ATG14: variants seen among roughly 807,000 people sequenced by gnomAD.
The protein encoded by ATG14 is autophagy related 14, also known as beclin 1-associated autophagy-related key regulator.
ATG14 carries 35 observed loss-of-function variants against 60.4 expected under a neutral mutation model. The observed-to-expected ratio is 0.58, with a 90% confidence interval of 0.44 to 0.77. The LOEUF (loss-of-function observed/expected upper bound fraction) is 0.77. Ranked by LOEUF, ATG14 falls within the 30% of genes least tolerant of loss-of-function variation. The pLI is 0.00. For missense variants in ATG14, 647 were observed against 626.3 expected (o/e 1.03, Z -0.35); for synonymous variants, 234 against 228.8 (o/e 1.02, Z -0.21).
At chr14:55,408,450 C>G (rs779617201) in intron 1 of ATG14, among the ~76,000 whole-genome samples, 1 of 151,896 alleles carries the variant, frequency 6.6e-6, no homozygotes, top group Non-Finnish European at 1.5e-5. Context: ...GAGACCCTGT[C>G]CCCTCCCCCC....
At position 55,380,876 on chromosome 14, in the gene ATG14, T is replaced by TATATATATATA. The variant is rs1555341864; in HGVS notation, c.878-187_878-186insTATATATATAT. ...GTGTGTATATATATATATATATATA[T>TATATATATATA]TTTTTTTTTTTTTTTTGCTGAGAGC... On this transcript the variant is annotated intron_variant, in intron 6 of 9. Transcript: ENST00000247178. Among the ~76,000 whole-genome samples, 516 of 83,870 alleles carry TATATATATATA rather than the reference T, an allele frequency of 6.2e-3. 1 individual carries two copies. The highest frequency in any genetic ancestry group is 0.026 in the African/African-American group (394 of 14,982). 55.0% of individuals were successfully genotyped at this position (83,870 alleles called of 152,430 possible). A position where few individuals can be genotyped will look rare whatever the true frequency, so the allele number is the denominator to read the frequency against.
chr14:55,370,485 T>G (rs1884789263), intron 9 of ATG14, among the ~76,000 whole-genome samples: 1 of 152,198 alleles, frequency 6.6e-6, no homozygotes, highest in South Asian at 2.1e-4. Flanking sequence ...GTTGTATATT[T>G]CTGCACTGTA....
intron 1 of ATG14, among the ~76,000 whole-genome samples, chr14:55,401,846 C>T (rs1005479766): frequency 6.6e-6 from 1 of 152,074 alleles, no homozygotes; most frequent in Non-Finnish European, 1.5e-5. Context: ...TGAGGGTGAG[C>T]CAGAGTTGAT....
Position 55,397,286 on chromosome 14 carries a change from C to T in ATG14, c.284+86G>A, listed in dbSNP as rs1216439381. 1.8e-5 allele frequency: 20 copies of T among 1,132,054 alleles called. 1 individual carries two copies. Among genetic ancestry groups the T allele is most frequent in the Admixed American group, 3.7e-5 (2 of 53,626 alleles). The allele number at this position is 1,132,054 out of a possible 1,614,324, so 70.1% of individuals were successfully genotyped here. On this transcript the variant is annotated intron_variant, in intron 2 of 9. Coordinates refer to ENST00000247178, the MANE Select transcript of ATG14 (RefSeq NM_014924.5). The stretch of plus-strand genomic sequence containing the variant: ...TCCTAAATTCAGTAAGTTAGCAATC[C>T]GTATATCTGCATACCACAGCACTGA...
At chr14:55,405,889 CGGG>C (rs938062536) in intron 1 of ATG14, among the ~76,000 whole-genome samples, 1 of 39,810 alleles carries the variant, frequency 2.5e-5, no homozygotes, top group African/African-American at 1.2e-4. Context: ...GGTGGGGTGG[CGGG>C]GGGGGCAGGG....
At chr14:55,378,121 T>A (rs1331747401) in intron 7 of ATG14, 47 bp from the exon 8 acceptor site, 2 of 1,533,184 alleles carry the variant, frequency 1.3e-6, no homozygotes, top group African/African-American at 1.4e-5. Context: ...TTTGAGGAAA[T>A]TCTATGTTAA....
intron 5 of ATG14, among the ~76,000 whole-genome samples, chr14:55,384,185 TATA>T (rs1885084016): frequency 6.6e-6 from 1 of 152,202 alleles, no homozygotes. Flanking sequence ...ATTAATGGCA[TATA>T]ATAACATACA....
chr14:55,373,429 G>A (rs76563200), intron 9 of ATG14, among the ~76,000 whole-genome samples: 2,218 of 152,160 alleles, frequency 0.015, 48 homozygotes, highest in African/African-American at 0.051. Context: ...GTCAATCTGG[G>A]TAAGGGTGTA....
chr14:55,411,518 G>T, intron 1 of ATG14, 84 bp downstream of exon 1: 2 of 1,336,564 alleles, frequency 1.5e-6, no homozygotes, highest in South Asian at 1.4e-5. Flanking sequence ...GTGCCCGGAC[G>T]GGGAGCCCCA....
chr14:55,372,391 C>A (rs1201127869), intron 9 of ATG14, among the ~76,000 whole-genome samples: 1 of 152,116 alleles, frequency 6.6e-6, no homozygotes, highest in Non-Finnish European at 1.5e-5. Flanking sequence ...TGGGCTCCCT[C>A]CTTTACTAAA....
intron 3 of ATG14, chr14:55,395,023 G>A (rs2140143588): frequency 2.1e-6 from 1 of 475,488 alleles, no homozygotes; most frequent in South Asian, 1.5e-5. Flanking sequence ...TAAATCTTCA[G>A]TTTCTTGGTT....
At chr14:55,398,368 A>G (rs1004254961) in intron 1 of ATG14, among the ~76,000 whole-genome samples, 8 of 152,272 alleles carry the variant, frequency 5.3e-5, no homozygotes, top group African/African-American at 1.9e-4. Context: ...ACTCAGGTCA[A>G]TTTTAAACTT....
chr14:55,396,575 G>A (rs1216290212), intron 2 of ATG14, among the ~76,000 whole-genome samples: 1 of 152,100 alleles, frequency 6.6e-6, no homozygotes, highest in Non-Finnish European at 1.5e-5. Flanking sequence ...TGTTTTCATC[G>A]GGGGTGTGAG....
rs1392601993 is a variant in ATG14 at position 55,367,452 on chromosome 14, C to T, written c.*2167G>A. On this transcript the variant is annotated 3_prime_UTR_variant, in exon 10 of 10. Transcript: ENST00000247178. ...CAGAGATCCCAGCAGTGTAGAAGAA[C>T]CCATAAGGGGCCGGGCGCGGTGGCT... The T allele has an allele frequency of 6.6e-6, 1 of 152,156 alleles. No homozygotes were observed. Among genetic ancestry groups the T allele is most frequent in the African/African-American group, 2.4e-5 (1 of 41,438 alleles). The allele number at this position is 152,156 out of a possible 1,614,324, so 9.4% of individuals were successfully genotyped here. A position where few individuals can be genotyped will look rare whatever the true frequency, so the allele number is the denominator to read the frequency against.
chr14:55,402,964 TATATAA>T (rs1555342968), intron 1 of ATG14, among the ~76,000 whole-genome samples: 43 of 59,766 alleles, frequency 7.2e-4, no homozygotes, highest in East Asian at 1.3e-3. Context: ...TATATATATA[TATATAA>T]ATAGCTGGGC....
At chr14:55,391,641 A>C (rs1471029266) in intron 3 of ATG14, among the ~76,000 whole-genome samples, 1 of 152,126 alleles carries the variant, frequency 6.6e-6, no homozygotes. Context: ...AATCATACAA[A>C]ATCAAAAATT....
intron 9 of ATG14, among the ~76,000 whole-genome samples, chr14:55,372,769 C>G (rs966206311): frequency 7.2e-5 from 11 of 152,096 alleles, no homozygotes; most frequent in African/African-American, 2.7e-4. Context: ...TTTGATGCTG[C>G]CTTCTCCAAT....
At chr14:55,401,941 A>G (rs750240074) in intron 1 of ATG14, among the ~76,000 whole-genome samples, 12 of 152,192 alleles carry the variant, frequency 7.9e-5, no homozygotes, top group Admixed American at 5.9e-4. Flanking sequence ...TGGGAAAACA[A>G]TGACGGGAGT....
chr14:55,385,456 C>A (rs1045452861), intron 5 of ATG14, among the ~76,000 whole-genome samples: 2 of 152,192 alleles, frequency 1.3e-5, no homozygotes, highest in African/African-American at 4.8e-5. Flanking sequence ...CCACGCCTGG[C>A]TAATTTTTGT....
Sources: gnomAD v4.1 joint callset for allele counts (sites outside exome capture counted in the v4.1 genomes callset) on GRCh38, gnomAD v4.1.1 for gene constraint, MANE v1.5 for transcripts, NCBI Gene and HGNC (gene_info 2026-07-23, HGNC 2026-07-21) for gene names.